Variants in CACNA2D4 observed in about 807,000 individuals in gnomAD.
CACNA2D4 encodes the protein voltage-dependent calcium channel subunit alpha-2/delta-4.
In CACNA2D4, 157 loss-of-function variants were observed where a neutral mutation model predicts 163.8. That is an observed-to-expected ratio of 0.96 (90% confidence interval 0.84 to 1.09). CACNA2D4 has a LOEUF of 1.09. CACNA2D4 is among the 50% of genes least tolerant of loss of function. The pLI is 0.00. For synonymous variants in CACNA2D4, 598 were observed against 586.9 expected (o/e 1.02, Z -0.27); for missense variants, 1,410 against 1,479.9 (o/e 0.95, Z 0.78).
chr12:1,887,205 C>A (rs1444080965), intron 6 of CACNA2D4, 136 bp from the exon 7 acceptor site: 7 of 647,972 alleles, frequency 1.1e-5, no homozygotes, highest in Non-Finnish European at 2.0e-5. Flanking sequence ...GTGGGGAACA[C>A]TGGGACATGC....
In CACNA2D4 at chr12:1,834,423, C is replaced by G. The variant is rs775095786; in HGVS notation, c.2551+6316G>C. 1 of 1,612,950 alleles carries G rather than the reference C, an allele frequency of 6.2e-7. No homozygotes were observed. Among genetic ancestry groups the G allele is most frequent in the Admixed American group, 1.7e-5 (1 of 60,024 alleles). Reference sequence around the variant, plus strand: ...ATTCCTGGGCCACCCTGCACCAAGGCCAGTCCAGAGCCTGCTAAGCCCAAG... The same window carrying G: ...ATTCCTGGGCCACCCTGCACCAAGGGCAGTCCAGAGCCTGCTAAGCCCAAG... On this transcript the variant is annotated intron_variant, in intron 26 of 37. Coordinates refer to ENST00000382722, the MANE Select transcript of CACNA2D4 (RefSeq NM_172364.5). The surrounding 1 kb of genome is among the most constrained non-coding windows in gnomAD (Gnocchi z 7.6).
At position 1,874,534 on chromosome 12, in the gene CACNA2D4, G is replaced by T; in HGVS notation, c.1878+70C>A. ...TAATTAGGCTAAGTCCAGGTCCCTC[G>T]TCACTACTCCAAACCCAATTAATGA... On this transcript the variant is annotated intron_variant, in intron 18 of 37. Transcript: ENST00000382722. This position sits in a 1 kb window ranked among gnomAD's most constrained non-coding sequence, Gnocchi z 4.4. 2 of 1,076,070 alleles carry T rather than the reference G, an allele frequency of 1.9e-6. No individual in the cohort carries two copies. Among genetic ancestry groups the T allele is most frequent in the East Asian group, 2.4e-5 (1 of 42,338 alleles). The allele number at this position is 1,076,070 out of a possible 1,614,324, so 66.7% of individuals were successfully genotyped here. A position where few individuals can be genotyped will look rare whatever the true frequency, so the allele number is the denominator to read the frequency against.
At chr12:1,909,348 C>T (rs914058030) in intron 4 of CACNA2D4, among the ~76,000 whole-genome samples, 8 of 152,212 alleles carry the variant, frequency 5.3e-5, no homozygotes, top group South Asian at 2.1e-4. Flanking sequence ...CCTGCCACTA[C>T]GCCCGGCTAA....
Position 1,828,765 on chromosome 12 carries a change from G to A in CACNA2D4, c.2551+11974C>T, listed in dbSNP as rs759344138. ...GCGGCGCTGGAAGAGACTTTGGGGA[G>A]TGGGTCCAACCCCTCCTGCATATAG... On this transcript the variant is annotated intron_variant, in intron 26 of 37. Transcript: ENST00000382722. This position sits in a 1 kb window ranked among gnomAD's most constrained non-coding sequence, Gnocchi z 4.2. Among the ~76,000 whole-genome samples, 2 of 152,246 alleles carry A rather than the reference G, an allele frequency of 1.3e-5. No homozygotes were observed. Among genetic ancestry groups the A allele is most frequent in the Non-Finnish European group, 2.9e-5 (2 of 68,048 alleles).
chr12:1,844,729 C>G lies in CACNA2D4; in HGVS notation c.2343-200G>C, dbSNP rs1437407479. 6.6e-6 allele frequency among the ~76,000 whole-genome samples: 1 copy of G among 152,222 alleles called. No homozygotes were observed. Among genetic ancestry groups the G allele is most frequent in the East Asian group, 1.9e-4 (1 of 5,194 alleles). ...ATGTCATGTTGCATCTAGCTAGCAG[C>G]TGGAAGAGGCATAGGGTCTGTAGAG... On this transcript the variant is annotated intron_variant, in intron 24 of 37. Coordinates refer to ENST00000382722, the MANE Select transcript of CACNA2D4 (RefSeq NM_172364.5). This position sits in a 1 kb window ranked among gnomAD's most constrained non-coding sequence, Gnocchi z 4.2.
chr12:1,793,654 G>A lies in CACNA2D4; in HGVS notation c.*1C>T, dbSNP rs1863034710. 1 of 1,613,208 alleles carries A rather than the reference G, an allele frequency of 6.2e-7. No individual in the cohort carries two copies. Among genetic ancestry groups the A allele is most frequent in the Admixed American group, 1.7e-5 (1 of 60,010 alleles). Reference sequence around the variant, plus strand: ...CAAAACACAGGTCAGGCTGGGTGGTGTCACCGCAGGAGTTGGGGCAGTAGC... The same window carrying A: ...CAAAACACAGGTCAGGCTGGGTGGTATCACCGCAGGAGTTGGGGCAGTAGC... On this transcript the variant is annotated 3_prime_UTR_variant, in exon 38 of 38. Coordinates refer to ENST00000382722, the MANE Select transcript of CACNA2D4 (RefSeq NM_172364.5).
intron 6 of CACNA2D4, among the ~76,000 whole-genome samples, chr12:1,894,710 C>T (rs757159471): frequency 6.6e-6 from 1 of 152,096 alleles, no homozygotes; most frequent in Non-Finnish European, 1.5e-5. Context: ...AAACTCGCAG[C>T]AAACTAGGCA....
chr12:1,828,314 GC>G lies in CACNA2D4; in HGVS notation c.2551+12424del. The G allele has an allele frequency of 9.2e-7, 1 of 1,084,072 alleles. No homozygotes were observed. Among genetic ancestry groups the G allele is most frequent in the Non-Finnish European group, 1.3e-6 (1 of 775,620 alleles). 67.2% of individuals were successfully genotyped at this position (1,084,072 alleles called of 1,614,324 possible). ...ATGGGACCTTAGCCACACTCAGGCT[GC>G]AGGGAGGCCTACGCCAGATCTTCCT... On this transcript the variant is annotated intron_variant, in intron 26 of 37. Coordinates refer to ENST00000382722, the MANE Select transcript of CACNA2D4 (RefSeq NM_172364.5). The surrounding 1 kb of genome is among the most constrained non-coding windows in gnomAD (Gnocchi z 4.2).
intron 18 of CACNA2D4, among the ~76,000 whole-genome samples, chr12:1,870,819 C>T (rs1469284791): frequency 6.6e-6 from 1 of 151,922 alleles, no homozygotes; most frequent in South Asian, 2.1e-4. Flanking sequence ...GTCTGGAAGA[C>T]GAGGCTGGGA....
In CACNA2D4 at chr12:1,844,493, G is replaced by A; in HGVS notation, c.2379C>T (p.Phe793=). The A allele has an allele frequency of 6.2e-7, 1 of 1,613,396 alleles. No individual in the cohort carries two copies. The highest frequency in any genetic ancestry group is 8.5e-7 in the Non-Finnish European group (1 of 1,179,708). The stretch of plus-strand genomic sequence containing the variant: ...ACCACAGCGGGAAGCGGTCCAGGGT[G>A]AACACGCTGGCCTCGTCCTCAGGTG... ...FLTPEDEASV[F]TLDRFPLWYR... The change falls in exon 25 of 38, where the codon TTC becomes TTT. Residue 793 remains phenylalanine (F), a synonymous_variant. Coordinates refer to ENST00000382722, the MANE Select transcript of CACNA2D4 (RefSeq NM_172364.5). The surrounding 1 kb of genome is among the most constrained non-coding windows in gnomAD (Gnocchi z 4.2).
In CACNA2D4 at chr12:1,800,008, C is replaced by G; in HGVS notation, c.2966G>C (p.Gly989Ala). ...CAGCTCCGTGCACTCACCCTCGGCC[C>G]CTCTGTCGTACCAGGAGCCCCAGAC... Reference protein sequence around the residue: ...WSVWGSWYDRGAEAKSVFHHS... With the variant: ...WSVWGSWYDRAAEAKSVFHHS... Residue 989 changes from glycine to alanine, a missense_variant, in exon 33 of 38, where the codon GGG (glycine) becomes GCG (alanine). Coordinates refer to ENST00000382722, the MANE Select transcript of CACNA2D4 (RefSeq NM_172364.5). 6.2e-7 allele frequency: 1 copy of G among 1,604,644 alleles called. No homozygotes were observed. Among genetic ancestry groups the G allele is most frequent in the Non-Finnish European group, 8.5e-7 (1 of 1,175,890 alleles).
At chr12:1,872,410 G>T (rs1161475353) in intron 18 of CACNA2D4, among the ~76,000 whole-genome samples, 3 of 152,226 alleles carry the variant, frequency 2.0e-5, no homozygotes, top group Non-Finnish European at 4.4e-5. Flanking sequence ...AACACGGCAG[G>T]CGGTCCTGTA....
chr12:1,800,349 GCAGCCCTCCAC>G (rs771513771), intron 32 of CACNA2D4, 26 bp downstream of exon 32: 9 of 1,608,140 alleles, frequency 5.6e-6, no homozygotes, highest in Non-Finnish European at 7.7e-6. Flanking sequence ...ACCCTCGCAT[GCAGCCCTCCAC>G]CAGCCCCGTG....
chr12:1,888,015 C>T (rs4765855), intron 6 of CACNA2D4, among the ~76,000 whole-genome samples: 25,780 of 151,982 alleles, frequency 0.17, 3,230 homozygotes, highest in African/African-American at 0.35. Flanking sequence ...GAGAACAGAG[C>T]CCCAGGCGTG....
At chr12:1,807,738 C>T (rs78552495) in intron 29 of CACNA2D4, among the ~76,000 whole-genome samples, 1 of 151,984 alleles carries the variant, frequency 6.6e-6, no homozygotes, top group Non-Finnish European at 1.5e-5. Flanking sequence ...CTCCCATAAC[C>T]CGACACAGTT....
chr12:1,865,745 G>A (rs1317303847), intron 18 of CACNA2D4, among the ~76,000 whole-genome samples: 2 of 152,214 alleles, frequency 1.3e-5, no homozygotes, highest in African/African-American at 4.8e-5. Context: ...GTGGGGAACC[G>A]GGGCGCGGGG....
chr12:1,796,953 G>C (rs555394112), intron 35 of CACNA2D4, among the ~76,000 whole-genome samples: 111 of 152,348 alleles, frequency 7.3e-4, no homozygotes, highest in African/African-American at 2.6e-3. Context: ...AGCGACCCGA[G>C]GACATCGCAC....
In CACNA2D4 at chr12:1,798,036, C is replaced by T. The variant is rs1024707481; in HGVS notation, c.2996-501G>A. On this transcript the variant is annotated intron_variant, in intron 34 of 37. Transcript: ENST00000382722. The surrounding 1 kb of genome is among the most constrained non-coding windows in gnomAD (Gnocchi z 4.3). ...ACACTCCACCCATTGAGCCTGAGCG[C>T]CTGCGGTGGGGGCAGCCGGGCAGGT... is the stretch of plus-strand genomic sequence containing the variant. 1.3e-5 allele frequency among the ~76,000 whole-genome samples: 2 copies of T among 152,104 alleles called. No homozygotes were observed. Among genetic ancestry groups the T allele is most frequent in the African/African-American group, 2.4e-5 (1 of 41,434 alleles).
At chr12:1,832,755 T>C (rs1247591204) in intron 26 of CACNA2D4, among the ~76,000 whole-genome samples, 2 of 152,260 alleles carry the variant, frequency 1.3e-5, no homozygotes, top group Non-Finnish European at 2.9e-5. Flanking sequence ...CAATGTCTTT[T>C]CATGTACATG....
Sources: gnomAD v4.1 joint callset for allele counts (sites outside exome capture counted in the v4.1 genomes callset) on GRCh38, gnomAD v4.1.1 for gene constraint, Gnocchi (gnomAD v3.1) non-coding constraint, MANE v1.5 for transcripts, NCBI Gene and HGNC (gene_info 2026-07-23, HGNC 2026-07-21) for gene names.